The following UBE2U variants were observed in gnomAD, a reference collection of about 807,000 sequenced individuals.
UBE2U encodes ubiquitin-conjugating enzyme E2 U.
Under a neutral mutation model 41.2 loss-of-function variants are expected in UBE2U, and 39 were observed. The ratio of observed to expected loss-of-function variants is 0.95; its 90% CI spans 0.73 to 1.24. The LOEUF is 1.24. Among genes scored for constraint, UBE2U ranks in the 50% most tolerant of loss-of-function variants. The pLI is 0.00. For synonymous variants in UBE2U, 107 were observed against 117.8 expected, an observed-to-expected ratio of 0.91 and a Z score of 0.60; for missense variants, 336 against 363.1, an observed-to-expected ratio of 0.93 and a Z score of 0.61.
intron 9 of UBE2U, among the ~76,000 whole-genome samples, chr1:64,261,890 G>T (rs1645184955): frequency 6.6e-6 from 1 of 152,146 alleles, no homozygotes; most frequent in South Asian, 2.1e-4. Flanking sequence ...GCTCAGCTCT[G>T]CTTATGTTTT....
intron 1 of UBE2U, among the ~76,000 whole-genome samples, chr1:64,204,534 CA>C (rs905864157): frequency 3.3e-5 from 5 of 152,174 alleles, no homozygotes; most frequent in Non-Finnish European, 1.5e-5. Flanking sequence ...TTTTGGACTT[CA>C]AAGCCCTAGT....
At chr1:64,238,276 A>G (rs1644706735) in intron 7 of UBE2U, among the ~76,000 whole-genome samples, 2 of 151,982 alleles carry the variant, frequency 1.3e-5, no homozygotes, top group African/African-American at 4.8e-5. Context: ...ATGGTGGCGC[A>G]TGCCTATAAT....
chr1:64,249,951 A>G (rs1207719463), intron 8 of UBE2U, among the ~76,000 whole-genome samples: 1 of 152,144 alleles, frequency 6.6e-6, no homozygotes, highest in Non-Finnish European at 1.5e-5. Flanking sequence ...AAGAAGCCAT[A>G]CCAAAGCACA....
intron 8 of UBE2U, among the ~76,000 whole-genome samples, chr1:64,252,664 T>C (rs1204498556): frequency 6.6e-6 from 1 of 152,064 alleles, no homozygotes; most frequent in African/African-American, 2.4e-5. Flanking sequence ...CAGCCCTACA[T>C]TTGCTAACAG....
intron 7 of UBE2U, among the ~76,000 whole-genome samples, chr1:64,239,166 G>GAAGAAGAAGAAGAAGAAGAAGAAGA (rs1644776492): frequency 1.2e-5 from 1 of 84,682 alleles, no homozygotes; most frequent in South Asian, 4.9e-4. Context: ...GAAAGAAGAA[G>GAAGAAGAAGAAGAAGAAGAAGAAGA]AAGAAGAAGA....
intron 7 of UBE2U, among the ~76,000 whole-genome samples, chr1:64,233,813 G>A (rs1227709123): frequency 6.6e-6 from 1 of 152,166 alleles, no homozygotes. Context: ...ACTGAAATAC[G>A]ACTTTGCTTC....
rs1409082134 is a variant in UBE2U at position 64,213,867 on chromosome 1, C to A, written c.340-948C>A. On this transcript the variant is annotated intron_variant, in intron 4 of 9. Transcript: ENST00000371077. ...GAAGGCTATGTTATAGCCTGTTGCT[C>A]CTAGGCTACAAACCTATACAACATG... is the stretch of plus-strand genomic sequence containing the variant. Among the ~76,000 whole-genome samples, 3 of 152,108 alleles carry A rather than the reference C, an allele frequency of 2.0e-5. No individual in the cohort carries two copies. In the East Asian group the frequency reaches 5.8e-4, roughly 29 times the overall value.
chr1:64,244,313 C>T lies in UBE2U; in HGVS notation c.677+2580C>T, dbSNP rs577011187. 3.5e-5 allele frequency: 35 copies of T among 1,005,188 alleles called. No homozygotes were observed. The South Asian group carries it at 3.7e-4, about 11-fold the overall frequency. The allele number at this position is 1,005,188 out of a possible 1,614,324, so 62.3% of individuals were successfully genotyped here. ...ATTATTTTATATATATGATTTCATT[C>T]GAGATATAAATAAAAATTATATAAA... is the stretch of plus-strand genomic sequence containing the variant. On this transcript the variant is annotated intron_variant, in intron 8 of 9. Transcript: ENST00000371077.
intron 8 of UBE2U, among the ~76,000 whole-genome samples, chr1:64,257,743 C>G (rs1327343859): frequency 6.6e-6 from 1 of 152,056 alleles, no homozygotes; most frequent in Admixed American, 6.6e-5. Flanking sequence ...AACAAACCTG[C>G]ACATCTTGTA....
intron 5 of UBE2U, among the ~76,000 whole-genome samples, 183 bp from the exon 6 acceptor site, chr1:64,220,675 CA>C (rs1454409930): frequency 6.6e-6 from 1 of 152,036 alleles, no homozygotes; most frequent in Admixed American, 6.5e-5. Flanking sequence ...AGACAGTTAC[CA>C]CTTGACATCT....
Position 64,243,868 on chromosome 1 carries a change from C to T in UBE2U, c.677+2135C>T, listed in dbSNP as rs1009849720. ...GCTCTTAAGCGCAGGGGCACTGGAG[C>T]CAGACTGTCTGGATTTGAATTCTGG... On this transcript the variant is annotated intron_variant, in intron 8 of 9. Transcript: ENST00000371077. 3.3e-5 allele frequency among the ~76,000 whole-genome samples: 5 copies of T among 152,200 alleles called. No individual in the cohort carries two copies. The South Asian group carries it at 1.0e-3, about 32-fold the overall frequency.
At chr1:64,220,829 C>A in intron 5 of UBE2U, 30 bp from the exon 6 acceptor site, 1 of 1,574,158 alleles carries the variant, frequency 6.4e-7, no homozygotes. Context: ...TCCAAGTAAA[C>A]CAGAATCCTT....
chr1:64,227,142 A>G (rs1277126632), intron 6 of UBE2U, among the ~76,000 whole-genome samples: 1 of 152,220 alleles, frequency 6.6e-6, no homozygotes, highest in Non-Finnish European at 1.5e-5. Flanking sequence ...ATAGGAATCT[A>G]CAAAAGTCCA....
At chr1:64,243,160 C>T (rs1234735815) in intron 8 of UBE2U, among the ~76,000 whole-genome samples, 1 of 152,100 alleles carries the variant, frequency 6.6e-6, no homozygotes, top group African/African-American at 2.4e-5. Context: ...GAATAAAACC[C>T]TCACACCTTA....
intron 2 of UBE2U, among the ~76,000 whole-genome samples, chr1:64,206,194 T>A (rs576647354): frequency 8.9e-4 from 136 of 152,238 alleles, no homozygotes; most frequent in African/African-American, 3.1e-3. Flanking sequence ...TTCTTTCAAT[T>A]ATGGATTAAT....
intron 8 of UBE2U, among the ~76,000 whole-genome samples, chr1:64,243,768 T>C (rs1399282036): frequency 6.6e-6 from 1 of 152,172 alleles, no homozygotes; most frequent in Non-Finnish European, 1.5e-5. Context: ...ACGTTGTACC[T>C]TCTGCCTCGG....
chr1:64,265,069 T>C (rs1214772873), intron 9 of UBE2U, among the ~76,000 whole-genome samples: 1 of 152,078 alleles, frequency 6.6e-6, no homozygotes, highest in Non-Finnish European at 1.5e-5. Context: ...AAAAATGAGA[T>C]CTTGGTGAGA....
intron 8 of UBE2U, among the ~76,000 whole-genome samples, chr1:64,256,876 T>G (rs1247446605): frequency 6.7e-6 from 1 of 149,650 alleles, no homozygotes; most frequent in African/African-American, 2.5e-5. Context: ...CTGATGTCTA[T>G]CCAGCATCTA....
At chr1:64,224,416 T>C (rs1052466283) in intron 6 of UBE2U, among the ~76,000 whole-genome samples, 7 of 152,108 alleles carry the variant, frequency 4.6e-5, no homozygotes, top group African/African-American at 1.2e-4. Context: ...TCTGGAGACA[T>C]AGTTGCTAAC....
Sources: allele counts gnomAD v4.1 joint callset (sites outside exome capture counted in the v4.1 genomes callset), GRCh38; gene constraint gnomAD v4.1.1; transcripts MANE v1.5; gene names NCBI Gene and HGNC (gene_info 2026-07-23, HGNC 2026-07-21).